The following SPTLC2 variants were observed in gnomAD, a reference collection of about 807,000 sequenced individuals.
The protein encoded by SPTLC2 is serine palmitoyltransferase long chain base subunit 2.
Under a neutral mutation model 62.0 loss-of-function variants are expected in SPTLC2, and 21 were observed. The observed-to-expected ratio is 0.34, with a 90% CI of 0.24 to 0.49. SPTLC2 has a LOEUF of 0.49. Ranked by LOEUF, SPTLC2 falls within the 20% of genes least tolerant of loss-of-function variation. The pLI is 0.99. For missense variants in SPTLC2, 511 were observed against 713.0 expected (o/e 0.72, Z 3.23); for synonymous variants, 261 against 261.8 (o/e 1.00, Z 0.03).
At chr14:77,574,429 C>T (rs1017552849) in intron 4 of SPTLC2, among the ~76,000 whole-genome samples, 1 of 152,214 alleles carries the variant, frequency 6.6e-6, no homozygotes, top group Non-Finnish European at 1.5e-5. Flanking sequence ...CTTTGGAAAA[C>T]AGTTTAGCAA....
At position 77,534,141 on chromosome 14, in the gene SPTLC2, G is replaced by A. The variant is rs1448658591; in HGVS notation, c.1304-12560C>T. Among the ~76,000 whole-genome samples, 5 of 149,796 alleles carry A rather than the reference G, an allele frequency of 3.3e-5. No homozygotes were observed. In the Admixed American group the frequency reaches 3.4e-4, roughly 10 times the overall value. ...CCGCCGCACTACAGCCTGGACAACA[G>A]AATGAGACCCTGTCTCTCTCTCTTT... is the stretch of plus-strand genomic sequence containing the variant. On this transcript the variant is annotated intron_variant, in intron 9 of 11. Transcript: ENST00000216484.
chr14:77,552,891 T>C (rs980710903), intron 8 of SPTLC2, among the ~76,000 whole-genome samples: 1 of 152,070 alleles, frequency 6.6e-6, no homozygotes, highest in Non-Finnish European at 1.5e-5. Context: ...GATATAATGA[T>C]TTAATTCCAA....
intron 7 of SPTLC2, among the ~76,000 whole-genome samples, 186 bp from the exon 8 acceptor site, chr14:77,555,705 T>G (rs1391503072): frequency 6.6e-6 from 1 of 151,986 alleles, no homozygotes; most frequent in Non-Finnish European, 1.5e-5. Flanking sequence ...AATCCCTGAC[T>G]CCTGGGTTCA....
At chr14:77,553,729 C>CAAAAAAAAAAA (rs34500527) in intron 8 of SPTLC2, among the ~76,000 whole-genome samples, 1 of 96,576 alleles carries the variant, frequency 1.0e-5, no homozygotes, top group Admixed American at 1.2e-4. Flanking sequence ...GGCTTGGTCT[C>CAAAAAAAAAAA]AAAAAAAAAA....
intron 3 of SPTLC2, among the ~76,000 whole-genome samples, chr14:77,577,844 A>G (rs147155637): frequency 0.026 from 4,005 of 152,166 alleles, 178 homozygotes; most frequent in African/African-American, 0.092. Context: ...AGCTTGCAGT[A>G]AGCCAAGATG....
chr14:77,610,642 G>T (rs922180607), intron 1 of SPTLC2, among the ~76,000 whole-genome samples: 5 of 151,954 alleles, frequency 3.3e-5, no homozygotes. Context: ...CAGTACAACC[G>T]CATATTTCAC....
At chr14:77,516,974 C>T (rs760743164) in intron 11 of SPTLC2, among the ~76,000 whole-genome samples, 6 of 152,230 alleles carry the variant, frequency 3.9e-5, no homozygotes, top group Non-Finnish European at 8.8e-5. Flanking sequence ...TCTTGCCAGG[C>T]AGTGGCTCAC....
At chr14:77,562,848 G>A (rs1474211154) in intron 5 of SPTLC2, among the ~76,000 whole-genome samples, 1 of 152,150 alleles carries the variant, frequency 6.6e-6, no homozygotes, top group Non-Finnish European at 1.5e-5. Context: ...TTAGTATCAT[G>A]TTCTGTTTAT....
intron 1 of SPTLC2, among the ~76,000 whole-genome samples, chr14:77,602,079 C>T (rs1050770699): frequency 2.4e-4 from 36 of 150,688 alleles, no homozygotes; most frequent in African/African-American, 8.3e-4. Flanking sequence ...TCCCCAACCC[C>T]CTTCTCCGTG....
At chr14:77,518,874 T>C (rs1369594614) in intron 10 of SPTLC2, among the ~76,000 whole-genome samples, 1 of 152,218 alleles carries the variant, frequency 6.6e-6, no homozygotes, top group Non-Finnish European at 1.5e-5. Context: ...CTTTGGTGTC[T>C]GTCAGGCCAG....
intron 2 of SPTLC2, among the ~76,000 whole-genome samples, chr14:77,582,781 G>C (rs2079759001): frequency 6.6e-6 from 1 of 152,182 alleles, no homozygotes; most frequent in Admixed American, 6.5e-5. Context: ...GGATGTTAGG[G>C]ACCAAAAGCG....
At chr14:77,518,283 A>ATT in intron 10 of SPTLC2, 116 bp from the exon 11 acceptor site, 1 of 1,473,472 alleles carries the variant, frequency 6.8e-7, no homozygotes, top group Non-Finnish European at 9.3e-7. Context: ...GGAGACTTCT[A>ATT]ATAGGAGTTT....
intron 9 of SPTLC2, among the ~76,000 whole-genome samples, chr14:77,522,590 T>C (rs761724686): frequency 6.6e-6 from 1 of 152,246 alleles, no homozygotes; most frequent in African/African-American, 2.4e-5. Flanking sequence ...CTGTCTGCAA[T>C]TGCCAACTGA....
intron 9 of SPTLC2, among the ~76,000 whole-genome samples, chr14:77,526,802 T>TC (rs1555373531): frequency 6.6e-6 from 1 of 151,476 alleles, no homozygotes; most frequent in Admixed American, 6.6e-5. Flanking sequence ...TTTAGTTCTT[T>TC]TTTTTTTTTT....
chr14:77,569,100 C>T (rs2079663064), intron 5 of SPTLC2, among the ~76,000 whole-genome samples: 1 of 132,962 alleles, frequency 7.5e-6, no homozygotes, highest in Non-Finnish European at 1.7e-5. Context: ...GAATTAATTC[C>T]TTAATCATTA....
At chr14:77,557,185 C>G in intron 6 of SPTLC2, 39 bp from the exon 7 acceptor site, 2 of 1,509,578 alleles carry the variant, frequency 1.3e-6, no homozygotes, top group Non-Finnish European at 1.8e-6. Flanking sequence ...CCGCATCTTC[C>G]TCTTTCCTAA....
At chr14:77,542,019 T>G (rs1291728895) in intron 9 of SPTLC2, among the ~76,000 whole-genome samples, 2 of 147,510 alleles carry the variant, frequency 1.4e-5, no homozygotes, top group Non-Finnish European at 3.0e-5. Context: ...ATTGTGCCAC[T>G]GCACTCCAGC....
chr14:77,580,648 AG>A (rs1259769568), intron 2 of SPTLC2, among the ~76,000 whole-genome samples: 1 of 151,638 alleles, frequency 6.6e-6, no homozygotes, highest in African/African-American at 2.4e-5. Context: ...GCTTGTGGCC[AG>A]GAATCTGAAG....
rs58170769 is a variant in SPTLC2, at chr14:77,547,174, ATT to A, written c.1303+4920_1303+4921del. ...GCCATCGCACCCGGCGGAAACAAGT[ATT>A]TTTTTTTTTTTTTCCAAACAACAGC... is the stretch of plus-strand genomic sequence containing the variant. On this transcript the variant is annotated intron_variant, in intron 9 of 11. Transcript: ENST00000216484. Among the ~76,000 whole-genome samples the A allele has an allele frequency of 1.8e-3, 264 of 147,332 alleles. 1 individual carries two copies. The highest frequency in any genetic ancestry group is 0.012 in the South Asian group (55 of 4,696).
Sources: allele counts gnomAD v4.1 joint callset (sites outside exome capture counted in the v4.1 genomes callset), GRCh38; gene constraint gnomAD v4.1.1; transcripts MANE v1.5; gene names NCBI Gene and HGNC (gene_info 2026-07-23, HGNC 2026-07-21).